Variants in JADE2 observed in about 807,000 individuals in gnomAD.
The protein encoded by JADE2 is E3 ubiquitin-protein ligase Jade-2.
In JADE2, 13 loss-of-function variants were observed where a neutral mutation model predicts 85.7. The ratio of observed to expected loss-of-function variants is 0.15; its 90% CI spans 0.10 to 0.24. JADE2 has a LOEUF of 0.24. Ranked by LOEUF, JADE2 falls within the 10% of genes least tolerant of loss-of-function variation. JADE2 has a pLI of 1.00. For synonymous variants in JADE2, 440 were observed against 456.1 expected (o/e 0.96, Z 0.45); for missense variants, 846 against 1,115.9 (o/e 0.76, Z 3.45).
chr5:134,573,872 C>T, intron 10 of JADE2, 110 bp downstream of exon 10: 1 of 801,688 alleles, frequency 1.2e-6, no homozygotes, highest in Non-Finnish European at 2.3e-6. Context: ...TGCGTGGAGC[C>T]AAGGGCCACT....
intron 4 of JADE2, among the ~76,000 whole-genome samples, chr5:134,557,010 C>T (rs1268979400): frequency 6.9e-6 from 1 of 144,992 alleles, no homozygotes; most frequent in African/African-American, 2.6e-5. Flanking sequence ...CATGCACACA[C>T]ACACATCACA....
chr5:134,530,234 G>A (rs1264919573), intron 1 of JADE2, among the ~76,000 whole-genome samples: 1 of 152,216 alleles, frequency 6.6e-6, no homozygotes, highest in East Asian at 1.9e-4. Context: ...GAGGCTCTGA[G>A]GACAGGTTTT....
chr5:134,566,258 A>ATGAGCCCACATC lies in JADE2; in HGVS notation c.1122_1133dup (p.Ser375_Thr378dup). The ATGAGCCCACATC allele has an allele frequency of 6.2e-7, 1 of 1,614,122 alleles. No homozygotes were observed. Among genetic ancestry groups the ATGAGCCCACATC allele is most frequent in the South Asian group, 1.1e-5 (1 of 91,072 alleles). ...GAGCACAGTGACGGGGGCCCACGTA[A>ATGAGCCCACATC]TGAGCCCACATCTGAGCCCACGGAA... On this transcript the variant is annotated inframe_insertion, in exon 9 of 12. Coordinates refer to ENST00000681547, the MANE Select transcript of JADE2 (RefSeq NM_001388185.1). This position sits in a 1 kb window ranked among gnomAD's most constrained non-coding sequence, Gnocchi z 6.7.
intron 6 of JADE2, among the ~76,000 whole-genome samples, chr5:134,561,599 C>T (rs758393042): frequency 9.2e-5 from 14 of 152,198 alleles, no homozygotes; most frequent in Non-Finnish European, 1.5e-4. Flanking sequence ...CTAGTGGACC[C>T]ACTCTGGCCC....
At chr5:134,560,042 T>G (rs777965831) in intron 5 of JADE2, 52 bp downstream of exon 5, 1 of 1,601,242 alleles carries the variant, frequency 6.2e-7, no homozygotes, top group Admixed American at 1.7e-5. Flanking sequence ...GGGAGGGTTT[T>G]CTCCCCATCC....
At chr5:134,559,279 G>A (rs746058058) in intron 4 of JADE2, among the ~76,000 whole-genome samples, 4 of 152,194 alleles carry the variant, frequency 2.6e-5, no homozygotes, top group Non-Finnish European at 5.9e-5. Context: ...GAGTTTTCAG[G>A]CTGTTGGTAA....
rs1267119339 is a variant in JADE2 at position 134,566,250 on chromosome 5, C to A, written c.1104C>A (p.Gly368=). 1 of 1,614,132 alleles carries A rather than the reference C, an allele frequency of 6.2e-7. No individual in the cohort carries two copies. Among genetic ancestry groups the A allele is most frequent in the Non-Finnish European group, 8.5e-7 (1 of 1,180,026 alleles). ...KSFCQEHSDG[G]PRNEPTSEPT... is the part of the protein sequence containing the mutation. Reference sequence around the variant, plus strand: ...TCTGCCAGGAGCACAGTGACGGGGGCCCACGTAATGAGCCCACATCTGAGC... The same window carrying A: ...TCTGCCAGGAGCACAGTGACGGGGGACCACGTAATGAGCCCACATCTGAGC... Residue 368 remains glycine, a synonymous_variant, in exon 9 of 12, where the codon GGC becomes GGA. Coordinates refer to ENST00000681547, the MANE Select transcript of JADE2 (RefSeq NM_001388185.1). This position sits in a 1 kb window ranked among gnomAD's most constrained non-coding sequence, Gnocchi z 6.7.
chr5:134,555,382 C>T (rs1762852680), intron 4 of JADE2, among the ~76,000 whole-genome samples: 1 of 152,246 alleles, frequency 6.6e-6, no homozygotes, highest in Admixed American at 6.5e-5. Flanking sequence ...CGCCCTCCTC[C>T]CAGCTGACCT....
At chr5:134,569,984 C>T (rs1763892385) in intron 9 of JADE2, among the ~76,000 whole-genome samples, 1 of 152,210 alleles carries the variant, frequency 6.6e-6, no homozygotes, top group African/African-American at 2.4e-5. Flanking sequence ...CTGCAGTCTA[C>T]TGCTCTCCCT....
rs181276341 is a variant in JADE2 at position 134,565,906 on chromosome 5, G to A, written c.970-210G>A. On this transcript the variant is annotated intron_variant, in intron 8 of 11. Transcript: ENST00000681547. ...TGACTTCCCCAAAGCATGTGGTGTT[G>A]AATGGGTTACCTTTCCAGGCACCCC... 5.4e-3 allele frequency among the ~76,000 whole-genome samples: 822 copies of A among 151,210 alleles called. 7 individuals carry two copies. The highest frequency in any genetic ancestry group is 0.019 in the African/African-American group (787 of 41,158).
rs374892061 is a variant in JADE2 at position 134,566,595 on chromosome 5, C to A, written c.1434+15C>A. The A allele has an allele frequency of 6.6e-7, 1 of 1,526,104 alleles. No homozygotes were observed. Among genetic ancestry groups the A allele is most frequent in the Non-Finnish European group, 8.8e-7 (1 of 1,130,306 alleles). The allele number at this position is 1,526,104 out of a possible 1,614,324, so 94.5% of individuals were successfully genotyped here. A position where few individuals can be genotyped will look rare whatever the true frequency, so the allele number is the denominator to read the frequency against. On this transcript the variant is annotated intron_variant, in intron 9 of 11. Coordinates refer to ENST00000681547, the MANE Select transcript of JADE2 (RefSeq NM_001388185.1). The surrounding 1 kb of genome is among the most constrained non-coding windows in gnomAD (Gnocchi z 6.7). ...ACCTAGAGAGGGTGAGTCCCCATGC[C>A]GCCTGCCCACCCCCTGCCTGGTGGG...
intron 3 of JADE2, among the ~76,000 whole-genome samples, chr5:134,538,791 A>G (rs757498858): frequency 4.0e-5 from 6 of 151,824 alleles, no homozygotes; most frequent in Non-Finnish European, 8.8e-5. Context: ...ACCACAGAAG[A>G]AGCCTTTGGC....
chr5:134,543,424 G>A (rs1439303498), intron 3 of JADE2, among the ~76,000 whole-genome samples: 7 of 150,334 alleles, frequency 4.7e-5, no homozygotes, highest in Non-Finnish European at 7.4e-5. Flanking sequence ...TGTAATCCCA[G>A]CACTTTGGGA....
upstream of JADE2, chr5:134,525,639 A>G: frequency 9.9e-7 from 1 of 1,007,914 alleles, no homozygotes; most frequent in Admixed American, 3.0e-5. Context: ...TTCTAAAGAG[A>G]TCACAAGGAA....
rs568298033 is a variant in JADE2, at chr5:134,564,935, C to T, written c.969+325C>T. Among the ~76,000 whole-genome samples the T allele has an allele frequency of 5.3e-5, 8 of 152,300 alleles. No homozygotes were observed. The South Asian group carries it at 6.2e-4, about 12-fold the overall frequency. On this transcript the variant is annotated intron_variant, in intron 8 of 11. Coordinates refer to ENST00000681547, the MANE Select transcript of JADE2 (RefSeq NM_001388185.1). ...CTCACTTCTGACATTGAATTTGACG[C>T]GTTAGGGGTTAGGAATCAAACTTCT...
At chr5:134,573,439 C>G (rs1373535803) in intron 9 of JADE2, among the ~76,000 whole-genome samples, 1 of 152,128 alleles carries the variant, frequency 6.6e-6, no homozygotes, top group Non-Finnish European at 1.5e-5. Flanking sequence ...TGTGTTTGGC[C>G]TTAGGTTTTG....
intron 10 of JADE2, chr5:134,574,101 T>G: frequency 8.3e-6 from 3 of 361,190 alleles, no homozygotes; most frequent in Non-Finnish European, 1.6e-5. Flanking sequence ...CTGCTGGTGC[T>G]GAGGCAGGAA....
intron 3 of JADE2, among the ~76,000 whole-genome samples, chr5:134,549,385 T>G (rs58346068): frequency 0.016 from 2,507 of 152,090 alleles, 62 homozygotes; most frequent in African/African-American, 0.057. Flanking sequence ...CTAGGCCAGG[T>G]GCGGGTGGCT....
intron 3 of JADE2, among the ~76,000 whole-genome samples, chr5:134,542,605 C>G (rs909068192): frequency 5.9e-5 from 9 of 151,936 alleles, no homozygotes; most frequent in Non-Finnish European, 1.2e-4. Context: ...CCACGTCCAG[C>G]TAATTTTTGT....
Sources: allele counts gnomAD v4.1 joint callset (sites outside exome capture counted in the v4.1 genomes callset), GRCh38; gene constraint gnomAD v4.1.1; non-coding constraint Gnocchi (gnomAD v3.1); transcripts MANE v1.5; gene names NCBI Gene and HGNC (gene_info 2026-07-23, HGNC 2026-07-21).